Variants in RBFOX1 observed in about 807,000 individuals in gnomAD.
The protein encoded by RBFOX1 is RNA binding protein fox-1 homolog 1.
A neutral mutation model predicts 57.7 loss-of-function variants in RBFOX1; 8 were observed. The observed-to-expected ratio is 0.14, with a 90% confidence interval of 0.08 to 0.25. The LOEUF is 0.25. Ranked by LOEUF, RBFOX1 falls within the 10% of genes least tolerant of loss-of-function variation. RBFOX1 has a pLI of 1.00. For synonymous variants in RBFOX1, 326 were observed against 222.4 expected, an observed-to-expected ratio of 1.47 and a Z score of -4.15; for missense variants, 611 against 548.5, an observed-to-expected ratio of 1.11 and a Z score of -1.14.
chr16:5,296,795 C>G (rs2063680682), intron 1 of RBFOX1, among the ~76,000 whole-genome samples: 2 of 151,846 alleles, frequency 1.3e-5, no homozygotes, highest in African/African-American at 2.4e-5. Flanking sequence ...TCTCCTGTCT[C>G]AGCCTCCTTA....
chr16:7,507,946 G>T (rs2073916305), intron 4 of RBFOX1, among the ~76,000 whole-genome samples: 1 of 151,638 alleles, frequency 6.6e-6, no homozygotes, highest in Admixed American at 6.6e-5. Flanking sequence ...CTATCTGATT[G>T]TTTCCAGCTG....
chr16:5,644,405 G>C (rs1183211239), intron 3 of RBFOX1, among the ~76,000 whole-genome samples: 1 of 152,222 alleles, frequency 6.6e-6, no homozygotes, highest in African/African-American at 2.4e-5. Context: ...CCATGGTAGA[G>C]GGAAGGAGAA....
chr16:6,903,337 C>T (rs949955124), intron 3 of RBFOX1, among the ~76,000 whole-genome samples: 16 of 152,144 alleles, frequency 1.1e-4, no homozygotes, highest in African/African-American at 2.9e-4. Context: ...GTAAGGAAGG[C>T]GGTGCTTATA....
At chr16:6,683,294 T>C (rs532339144) in intron 3 of RBFOX1, among the ~76,000 whole-genome samples, 186 of 152,278 alleles carry the variant, frequency 1.2e-3, no homozygotes, top group Non-Finnish European at 2.3e-3. Flanking sequence ...TTAATGACCC[T>C]TGAGACCTTT....
intron 3 of RBFOX1, among the ~76,000 whole-genome samples, chr16:6,662,974 G>T (rs1015358083): frequency 6.6e-6 from 1 of 152,300 alleles, no homozygotes; most frequent in Middle Eastern, 3.4e-3. Flanking sequence ...GCACATAACT[G>T]AAGTGTAGGA....
At chr16:6,088,863 A>G (rs570314286) in intron 1 of RBFOX1, among the ~76,000 whole-genome samples, 255 of 152,130 alleles carry the variant, frequency 1.7e-3, no homozygotes, top group Middle Eastern at 6.8e-3. Context: ...TTGGGAGACC[A>G]AGGCGGGCAT....
intron 3 of RBFOX1, among the ~76,000 whole-genome samples, chr16:5,665,666 G>T (rs1379055316): frequency 1.3e-5 from 2 of 152,198 alleles, no homozygotes; most frequent in African/African-American, 4.8e-5. Context: ...GTGGATGAAT[G>T]AATGTGTGGC....
At chr16:7,021,130 A>C (rs1445462226) in intron 3 of RBFOX1, among the ~76,000 whole-genome samples, 1 of 152,028 alleles carries the variant, frequency 6.6e-6, no homozygotes, top group Non-Finnish European at 1.5e-5. Context: ...TCTTTTTCAA[A>C]AAAATTGTTT....
chr16:7,592,122 G>A (rs1395864648), intron 7 of RBFOX1, among the ~76,000 whole-genome samples: 1 of 152,210 alleles, frequency 6.6e-6, no homozygotes, highest in Non-Finnish European at 1.5e-5. Context: ...ACCGTCTGGA[G>A]CACATTCTTT....
intron 3 of RBFOX1, among the ~76,000 whole-genome samples, chr16:6,736,712 T>C (rs2070420053): frequency 6.6e-6 from 1 of 152,220 alleles, no homozygotes; most frequent in Non-Finnish European, 1.5e-5. Flanking sequence ...AGTTCTACTT[T>C]TAGTTCCTTA....
At chr16:7,175,327 G>A (rs4411516) in intron 4 of RBFOX1, among the ~76,000 whole-genome samples, 1,733 of 151,872 alleles carry the variant, frequency 0.011, 29 homozygotes, top group African/African-American at 0.04. Context: ...AACCTTCTTC[G>A]CCTGTGAAAT....
chr16:7,090,106 A>G (rs965175244), intron 4 of RBFOX1, among the ~76,000 whole-genome samples: 1 of 152,160 alleles, frequency 6.6e-6, no homozygotes, highest in African/African-American at 2.4e-5. Context: ...AATGTGGTTG[A>G]TATCTCTGTT....
intron 3 of RBFOX1, among the ~76,000 whole-genome samples, chr16:6,986,795 A>G (rs1317601882): frequency 6.6e-6 from 1 of 152,116 alleles, no homozygotes; most frequent in South Asian, 2.1e-4. Flanking sequence ...TAAGAAAATA[A>G]CTGAACACGC....
chr16:5,595,567 G>C (rs2047154183), intron 2 of RBFOX1, among the ~76,000 whole-genome samples: 1 of 152,170 alleles, frequency 6.6e-6, no homozygotes, highest in African/African-American at 2.4e-5. Flanking sequence ...GATCTTCTCT[G>C]TACGCCTCAA....
At chr16:7,487,987 C>G (rs896954681) in intron 4 of RBFOX1, among the ~76,000 whole-genome samples, 6 of 152,084 alleles carry the variant, frequency 3.9e-5, no homozygotes, top group African/African-American at 9.7e-5. Context: ...CTAATTAACT[C>G]TGGAGCGTAG....
chr16:5,552,668 A>G (rs1322230678), intron 2 of RBFOX1, among the ~76,000 whole-genome samples: 1 of 152,170 alleles, frequency 6.6e-6, no homozygotes, highest in Non-Finnish European at 1.5e-5. Flanking sequence ...ACCGACTCAC[A>G]TTGAGAAACT....
chr16:7,017,572 C>A (rs1206189475), intron 3 of RBFOX1, among the ~76,000 whole-genome samples: 1 of 152,186 alleles, frequency 6.6e-6, no homozygotes, highest in African/African-American at 2.4e-5. Flanking sequence ...TTATAGACGA[C>A]TGCAAATTGT....
chr16:5,695,620 C>T (rs183705760), intron 3 of RBFOX1, among the ~76,000 whole-genome samples: 181 of 152,294 alleles, frequency 1.2e-3, no homozygotes, highest in Non-Finnish European at 1.9e-3. Flanking sequence ...GTGATGCAAT[C>T]ATCGGTAATA....
intron 2 of RBFOX1, among the ~76,000 whole-genome samples, chr16:6,619,764 C>G (rs1021174114): frequency 4.1e-5 from 6 of 147,764 alleles, no homozygotes; most frequent in African/African-American, 1.5e-4. Context: ...CATAGGTAAA[C>G]CTGTGTCATG....
Sources: allele counts gnomAD v4.1 joint callset (sites outside exome capture counted in the v4.1 genomes callset), GRCh38; gene constraint gnomAD v4.1.1; transcripts MANE v1.5; gene names NCBI Gene and HGNC (gene_info 2026-07-23, HGNC 2026-07-21).